The following ABHD12 variants were observed in gnomAD, a reference collection of about 807,000 sequenced individuals.
The protein encoded by ABHD12 is lysophosphatidylserine lipase ABHD12.
In ABHD12, 43 loss-of-function variants were observed where a neutral mutation model predicts 58.3. The ratio of observed to expected loss-of-function variants is 0.74; its 90% CI spans 0.58 to 0.95. ABHD12 has a LOEUF of 0.95. ABHD12 is among the 40% of genes least tolerant of loss of function. The pLI, the probability that ABHD12 is intolerant of heterozygous loss-of-function variation, is 0.00. For synonymous variants in ABHD12, 219 were observed against 211.2 expected, an observed-to-expected ratio of 1.04 and a Z score of -0.32; for missense variants, 539 against 537.2, an observed-to-expected ratio of 1.00 and a Z score of -0.03.
intron 6 of ABHD12, among the ~76,000 whole-genome samples, chr20:25,314,497 G>A (rs2088923017): frequency 6.6e-6 from 1 of 151,994 alleles, no homozygotes; most frequent in African/African-American, 2.4e-5. Context: ...AGGCAACACA[G>A]CGATACCCCA....
At chr20:25,312,835 C>T (rs1307501699) in intron 6 of ABHD12, among the ~76,000 whole-genome samples, 2 of 151,978 alleles carry the variant, frequency 1.3e-5, no homozygotes, top group Non-Finnish European at 2.9e-5. Context: ...GCCGCGACCC[C>T]GTCTGGGAGG....
intron 1 of ABHD12, among the ~76,000 whole-genome samples, chr20:25,388,905 A>C (rs2090132144): frequency 6.7e-6 from 1 of 148,634 alleles, no homozygotes; most frequent in South Asian, 2.1e-4. Flanking sequence ...CCCAGATTCA[A>C]GCGATTCTCC....
chr20:25,307,861 TTAAA>T, intron 9 of ABHD12, 101 bp downstream of exon 9: 1 of 492,510 alleles, frequency 2.0e-6, no homozygotes, highest in South Asian at 3.1e-5. Context: ...ATTAGAATAT[TTAAA>T]TAACAATTTT....
At chr20:25,378,891 A>T (rs1472046465) in intron 1 of ABHD12, among the ~76,000 whole-genome samples, 1 of 151,954 alleles carries the variant, frequency 6.6e-6, no homozygotes, top group Non-Finnish European at 1.5e-5. Context: ...CTCTGCTCTC[A>T]TTATGTCAGG....
At chr20:25,342,435 T>C (rs547460078) in intron 1 of ABHD12, among the ~76,000 whole-genome samples, 4 of 150,754 alleles carry the variant, frequency 2.7e-5, no homozygotes, top group Admixed American at 6.7e-5. Context: ...TTCACTTTAC[T>C]GCACTTTGCA....
intron 1 of ABHD12, among the ~76,000 whole-genome samples, chr20:25,386,009 G>A (rs1430722365): frequency 3.3e-5 from 5 of 151,732 alleles, no homozygotes; most frequent in African/African-American, 1.2e-4. Context: ...GCTGAGGCAG[G>A]AGAATGGCGT....
At chr20:25,315,197 G>C (rs964673606) in intron 5 of ABHD12, among the ~76,000 whole-genome samples, 5 of 152,118 alleles carry the variant, frequency 3.3e-5, no homozygotes, top group African/African-American at 1.2e-4. Context: ...GCGCAGGAAG[G>C]CTCTCCCTTC....
At chr20:25,314,434 C>A (rs564475180) in intron 6 of ABHD12, among the ~76,000 whole-genome samples, 1 of 152,152 alleles carries the variant, frequency 6.6e-6, no homozygotes, top group East Asian at 1.9e-4. Context: ...TCCCAACACT[C>A]TGGAAGGCTG....
Position 25,300,575 on chromosome 20 carries a change from T to C in ABHD12, c.*270A>G. 7.1e-7 allele frequency: 1 copy of C among 1,415,688 alleles called. No individual in the cohort carries two copies. The highest frequency in any genetic ancestry group is 9.2e-7 in the Non-Finnish European group (1 of 1,087,892). 87.7% of individuals were successfully genotyped at this position (1,415,688 alleles called of 1,614,324 possible). ...AGGCAGTGATGGCTGCCTGCTGCCA[T>C]TAAGTCTCCCAACAAGATCTCAGGT... On this transcript the variant is annotated 3_prime_UTR_variant, in exon 13 of 13. Transcript: ENST00000339157.
chr20:25,335,819 AG>A (rs2089356785), intron 2 of ABHD12, among the ~76,000 whole-genome samples: 2 of 90,426 alleles, frequency 2.2e-5, no homozygotes, highest in African/African-American at 4.5e-5. Context: ...GGGTGGGGGG[AG>A]GGGGGAGGGA....
Position 25,323,310 on chromosome 20 carries a change from C to G in ABHD12, c.422+15G>C, listed in dbSNP as rs745700620. On this transcript the variant is annotated intron_variant, in intron 3 of 12. Transcript: ENST00000339157. ...TCCTGCTGCTGGAGGGGCTGCAGAG[C>G]TCACTGGCACTCACCAGACTCCAAT... The G allele has an allele frequency of 6.4e-7, 1 of 1,565,422 alleles. No homozygotes were observed. The highest frequency in any genetic ancestry group is 8.8e-7 in the Non-Finnish European group (1 of 1,135,506).
At chr20:25,348,660 T>A (rs1316354429) in intron 1 of ABHD12, among the ~76,000 whole-genome samples, 1 of 151,882 alleles carries the variant, frequency 6.6e-6, no homozygotes, top group East Asian at 1.9e-4. Context: ...GACAACTCAC[T>A]CAAATTGTGC....
At chr20:25,352,423 G>A (rs553113724) in intron 1 of ABHD12, among the ~76,000 whole-genome samples, 82 of 152,094 alleles carry the variant, frequency 5.4e-4, no homozygotes, top group African/African-American at 1.9e-3. Context: ...CAAGTAGCTG[G>A]GACTACAGGC....
intron 1 of ABHD12, among the ~76,000 whole-genome samples, chr20:25,366,053 T>C (rs183072845): frequency 1.0e-3 from 152 of 152,222 alleles, no homozygotes; most frequent in Admixed American, 9.3e-3. Flanking sequence ...AAATAAATAT[T>C]GTTAATTCTT....
At chr20:25,387,565 C>A (rs1568781936) in intron 1 of ABHD12, among the ~76,000 whole-genome samples, 3 of 115,754 alleles carry the variant, frequency 2.6e-5, no homozygotes, top group Non-Finnish European at 5.0e-5. Flanking sequence ...AGCCTGGGGG[C>A]AACATAGTGA....
intron 1 of ABHD12, among the ~76,000 whole-genome samples, chr20:25,387,318 T>C (rs1176477165): frequency 6.6e-6 from 1 of 152,094 alleles, no homozygotes; most frequent in African/African-American, 2.4e-5. Context: ...CCCAACACTT[T>C]GGGAGGCCGT....
At chr20:25,382,327 C>T (rs1452106024) in intron 1 of ABHD12, among the ~76,000 whole-genome samples, 1 of 152,052 alleles carries the variant, frequency 6.6e-6, no homozygotes, top group Non-Finnish European at 1.5e-5. Flanking sequence ...TAGACGCTGG[C>T]TCTCGGTGTG....
intron 1 of ABHD12, among the ~76,000 whole-genome samples, chr20:25,344,558 C>G (rs1395191194): frequency 6.6e-6 from 1 of 152,166 alleles, no homozygotes; most frequent in Non-Finnish European, 1.5e-5. Context: ...TCTTCATGGA[C>G]AGGAAGGCCC....
intron 2 of ABHD12, among the ~76,000 whole-genome samples, chr20:25,327,577 C>T (rs984405857): frequency 1.3e-5 from 2 of 152,158 alleles, no homozygotes; most frequent in Admixed American, 1.3e-4. Flanking sequence ...AACCTCCATG[C>T]TGTCCTTGTT....
Sources: allele counts gnomAD v4.1 joint callset (sites outside exome capture counted in the v4.1 genomes callset), GRCh38; gene constraint gnomAD v4.1.1; transcripts MANE v1.5; gene names NCBI Gene and HGNC (gene_info 2026-07-23, HGNC 2026-07-21).